DNM3: variants seen among roughly 807,000 people sequenced by gnomAD.
The protein encoded by DNM3 is dynamin 3, also known as dynamin-3.
Under a neutral mutation model 101.6 loss-of-function variants are expected in DNM3, and 47 were observed. The ratio of observed to expected loss-of-function variants is 0.46; its 90% CI spans 0.37 to 0.59. DNM3 has a LOEUF of 0.59. DNM3 is among the 20% of genes least tolerant of loss of function. The pLI is 0.00. For missense variants in DNM3, 849 were observed against 1,085.7 expected (o/e 0.78, Z 3.06); for synonymous variants, 385 against 387.9 (o/e 0.99, Z 0.09).
chr1:171,846,612 G>A (rs1300404251), intron 1 of DNM3, among the ~76,000 whole-genome samples: 1 of 152,156 alleles, frequency 6.6e-6, no homozygotes, highest in Non-Finnish European at 1.5e-5. Context: ...GGGACTTCAA[G>A]TATCTAGAAA....
chr1:172,188,133 T>C (rs927583277), intron 14 of DNM3, among the ~76,000 whole-genome samples: 1 of 152,106 alleles, frequency 6.6e-6, no homozygotes, highest in Non-Finnish European at 1.5e-5. Context: ...TTCCAGAAAT[T>C]TTGTTTCTTT....
At chr1:172,122,736 G>C (rs1387152703) in intron 13 of DNM3, among the ~76,000 whole-genome samples, 6 of 152,152 alleles carry the variant, frequency 3.9e-5, no homozygotes, top group African/African-American at 1.2e-4. Flanking sequence ...CAGTCCACTA[G>C]AGAGGTTTTA....
chr1:172,414,350 T>C (rs887732915), downstream of DNM3, among the ~76,000 whole-genome samples: 1 of 152,232 alleles, frequency 6.6e-6, no homozygotes, highest in Non-Finnish European at 1.5e-5. Flanking sequence ...GAAATCTTAA[T>C]AAGTTTTACA....
chr1:172,229,707 A>G (rs1360080085), intron 14 of DNM3, among the ~76,000 whole-genome samples: 2 of 152,138 alleles, frequency 1.3e-5, no homozygotes, highest in Non-Finnish European at 2.9e-5. Context: ...ATATGTATGT[A>G]TATTATAATA....
chr1:172,266,204 A>G lies in DNM3; in HGVS notation c.1769+12522A>G, dbSNP rs189160059. On this transcript the variant is annotated intron_variant, in intron 15 of 20. Transcript: ENST00000627582. ...AATTAGAGTCAGGTTGTTCATTTAT[A>G]TACCTCTATGGCTACATTTCTATAC... is the stretch of plus-strand genomic sequence containing the variant. 1.1e-3 allele frequency among the ~76,000 whole-genome samples: 172 copies of G among 152,280 alleles called. 1 individual carries two copies. The highest frequency in any genetic ancestry group is 1.0e-3 in the Non-Finnish European group (69 of 68,012).
chr1:171,938,199 C>T (rs1348343805), intron 2 of DNM3, among the ~76,000 whole-genome samples: 2 of 152,154 alleles, frequency 1.3e-5, no homozygotes, highest in Non-Finnish European at 2.9e-5. Flanking sequence ...CAGACACCAG[C>T]ACCCCTGGCT....
chr1:172,193,777 G>T (rs2059833919), intron 14 of DNM3, among the ~76,000 whole-genome samples: 1 of 151,982 alleles, frequency 6.6e-6, no homozygotes, highest in African/African-American at 2.4e-5. Flanking sequence ...CTTGCTAGCG[G>T]TCTATCAATT....
At position 172,405,109 on chromosome 1, in the gene DNM3, G is replaced by A. The variant is rs116201765; in HGVS notation, c.2523-2663G>A. Among the ~76,000 whole-genome samples, 529 of 151,970 alleles carry A rather than the reference G, an allele frequency of 3.5e-3. 2 individuals are homozygous for A. Among genetic ancestry groups the A allele is most frequent in the Middle Eastern group, 0.02 (6 of 294 alleles). On this transcript the variant is annotated intron_variant, in intron 20 of 20. Coordinates refer to ENST00000627582, the MANE Select transcript of DNM3 (RefSeq NM_015569.5). ...TTAAAAGTGTAGCATCCTTGGCCTC[G>A]CTAGACCTACTCACCTTGATCTAGC...
At chr1:171,992,417 G>A (rs1428665132) in intron 4 of DNM3, among the ~76,000 whole-genome samples, 1 of 151,968 alleles carries the variant, frequency 6.6e-6, no homozygotes, top group Non-Finnish European at 1.5e-5. Context: ...ATAGCGTAAG[G>A]AAAATATAGC....
chr1:172,218,864 A>G (rs926021392), intron 14 of DNM3, among the ~76,000 whole-genome samples: 1 of 152,162 alleles, frequency 6.6e-6, no homozygotes, highest in Admixed American at 6.5e-5. Context: ...AAATTAAAAG[A>G]AATTTCTCTT....
At chr1:172,254,710 C>T (rs1396578531) in intron 15 of DNM3, among the ~76,000 whole-genome samples, 2 of 152,042 alleles carry the variant, frequency 1.3e-5, no homozygotes, top group Non-Finnish European at 2.9e-5. Context: ...GTATTTTGAG[C>T]TGACCATCAC....
intron 1 of DNM3, among the ~76,000 whole-genome samples, chr1:171,866,505 C>T (rs1217731517): frequency 6.6e-6 from 1 of 151,968 alleles, no homozygotes; most frequent in Non-Finnish European, 1.5e-5. Context: ...GTGTTTGCTA[C>T]ATGCCTAAGG....
At chr1:171,893,438 T>C (rs1457109619) in intron 1 of DNM3, among the ~76,000 whole-genome samples, 1 of 147,070 alleles carries the variant, frequency 6.8e-6, no homozygotes, top group Non-Finnish European at 1.5e-5. Flanking sequence ...CTATTTTCAA[T>C]TATTTAATAT....
At chr1:171,935,351 C>T (rs74344661) in intron 2 of DNM3, among the ~76,000 whole-genome samples, 1,797 of 152,252 alleles carry the variant, frequency 0.012, 22 homozygotes, top group African/African-American at 0.041. Context: ...TACAGGAAAG[C>T]ATTCCAGGAA....
intron 4 of DNM3, among the ~76,000 whole-genome samples, chr1:172,015,945 G>A (rs1427355165): frequency 1.3e-5 from 2 of 151,880 alleles, no homozygotes; most frequent in Admixed American, 1.3e-4. Context: ...GGAGGCCAAG[G>A]TGGGTGGATC....
chr1:171,977,497 A>G (rs992719762), intron 2 of DNM3, among the ~76,000 whole-genome samples: 5 of 152,230 alleles, frequency 3.3e-5, no homozygotes, highest in Non-Finnish European at 5.9e-5. Flanking sequence ...CTTTTTAAGT[A>G]AACAAAGTAA....
intron 14 of DNM3, among the ~76,000 whole-genome samples, chr1:172,205,826 A>T (rs971907144): frequency 1.3e-5 from 2 of 152,138 alleles, no homozygotes; most frequent in Non-Finnish European, 2.9e-5. Context: ...ACCAAAACTC[A>T]ACAAGTGATA....
chr1:171,944,854 CCTTTTTTTT>C lies in DNM3; in HGVS notation c.235+23034_235+23042del, dbSNP rs1482366164. Among the ~76,000 whole-genome samples, 371 of 37,572 alleles carry C rather than the reference CCTTTTTTTT, an allele frequency of 9.9e-3. 34 individuals carry two copies. Among genetic ancestry groups the C allele is most frequent in the African/African-American group, 0.028 (313 of 11,068 alleles). 24.6% of individuals were successfully genotyped at this position (37,572 alleles called of 152,430 possible). A position where few individuals can be genotyped will look rare whatever the true frequency, so the allele number is the denominator to read the frequency against. On this transcript the variant is annotated intron_variant, in intron 2 of 20. Coordinates refer to ENST00000627582, the MANE Select transcript of DNM3 (RefSeq NM_015569.5). ...TTTGTTTTCTTTTTTTTTGGTGTTT[CCTTTTTTTT>C]TTTTTTTTTTTTTTTTTTGAGGCAG...
At chr1:172,108,111 A>C (rs1356346089) in intron 13 of DNM3, among the ~76,000 whole-genome samples, 1 of 152,182 alleles carries the variant, frequency 6.6e-6, no homozygotes, top group Non-Finnish European at 1.5e-5. Flanking sequence ...ATTTTATCAT[A>C]AATTTTAAAA....
Sources: gnomAD v4.1 joint callset for allele counts (sites outside exome capture counted in the v4.1 genomes callset) on GRCh38, gnomAD v4.1.1 for gene constraint, MANE v1.5 for transcripts, NCBI Gene and HGNC (gene_info 2026-07-23, HGNC 2026-07-21) for gene names.